RNF24: variants seen among roughly 807,000 people sequenced by gnomAD.
RNF24 encodes the protein ring finger protein 24.
A neutral mutation model predicts 20.0 loss-of-function variants in RNF24; 14 were observed. The ratio of observed to expected loss-of-function variants is 0.70; its 90% CI spans 0.46 to 1.10. RNF24 has a LOEUF of 1.10. Among genes scored for constraint, RNF24 ranks in the 50% least tolerant of loss-of-function variants. RNF24 has a pLI of 0.00. For missense variants in RNF24, 124 were observed against 177.6 expected, an observed-to-expected ratio of 0.70 and a Z score of 1.71; for synonymous variants, 45 against 61.1, an observed-to-expected ratio of 0.74 and a Z score of 1.23.
intron 2 of RNF24, among the ~76,000 whole-genome samples, chr20:3,957,967 G>A (rs754633375): frequency 6.6e-6 from 1 of 152,056 alleles, no homozygotes; most frequent in South Asian, 2.1e-4. Flanking sequence ...AGTATCCTAA[G>A]CTTTCATGCA....
chr20:3,956,911 AGCACTTTGG>A (rs891312097), intron 2 of RNF24, among the ~76,000 whole-genome samples: 1 of 152,244 alleles, frequency 6.6e-6, no homozygotes, highest in Non-Finnish European at 1.5e-5. Flanking sequence ...CTGTAATCCC[AGCACTTTGG>A]GAGGCTGAGG....
chr20:4,001,041 C>A (rs1981345199), intron 1 of RNF24, among the ~76,000 whole-genome samples: 1 of 152,058 alleles, frequency 6.6e-6, no homozygotes, highest in Non-Finnish European at 1.5e-5. Flanking sequence ...CCGAGGCAGG[C>A]AGGTTACCTG....
intron 2 of RNF24, among the ~76,000 whole-genome samples, chr20:3,963,461 G>T (rs1385414529): frequency 6.6e-6 from 1 of 152,236 alleles, no homozygotes; most frequent in Non-Finnish European, 1.5e-5. Context: ...CCAAAGTGCT[G>T]GGATTACAGG....
intron 1 of RNF24, among the ~76,000 whole-genome samples, chr20:3,974,135 A>T (rs1978647474): frequency 6.6e-6 from 1 of 152,050 alleles, no homozygotes. Flanking sequence ...GATCATATTA[A>T]CTGATTTAAA....
intron 1 of RNF24, among the ~76,000 whole-genome samples, chr20:3,986,593 G>C (rs1003679311): frequency 6.6e-6 from 1 of 151,286 alleles, no homozygotes; most frequent in African/African-American, 2.4e-5. Flanking sequence ...AGATTCAGTA[G>C]AACTCAAATT....
chr20:3,933,521 A>T lies in RNF24; in HGVS notation c.*542T>A, dbSNP rs547470100. 1 of 222,402 alleles carries T rather than the reference A, an allele frequency of 4.5e-6. No individual in the cohort carries two copies. Among genetic ancestry groups the T allele is most frequent in the African/African-American group, 2.3e-5 (1 of 44,084 alleles). 13.8% of individuals were successfully genotyped at this position (222,402 alleles called of 1,614,324 possible). ...CTGAGGGGGAAATGGGTGACGAGGA[A>T]CACTGCTACTCAAAGCCAAGATGGC... is the stretch of plus-strand genomic sequence containing the variant. On this transcript the variant is annotated 3_prime_UTR_variant, in exon 6 of 6. Transcript: ENST00000358395.
intron 1 of RNF24, among the ~76,000 whole-genome samples, chr20:3,995,327 T>C (rs777410639): frequency 6.6e-6 from 1 of 152,156 alleles, no homozygotes. Context: ...TGGGCCACTC[T>C]GGGTTAGATC....
chr20:4,014,889 G>A (rs6116151), intron 1 of RNF24, among the ~76,000 whole-genome samples: 1 of 152,116 alleles, frequency 6.6e-6, no homozygotes, highest in South Asian at 2.1e-4. Context: ...CGAGGGAAGA[G>A]GTCTCCACCC....
intron 1 of RNF24, 80 bp from the exon 2 acceptor site, chr20:3,964,104 G>A: frequency 1.6e-6 from 2 of 1,218,340 alleles, no homozygotes; most frequent in Non-Finnish European, 2.3e-6. Flanking sequence ...CACGTATAGA[G>A]GCACAATGAC....
chr20:3,939,956 GA>G (rs1002573857), intron 4 of RNF24, among the ~76,000 whole-genome samples: 2 of 150,950 alleles, frequency 1.3e-5, no homozygotes, highest in Non-Finnish European at 3.0e-5. Flanking sequence ...TATTACAAAC[GA>G]AAAAAAAATT....
intron 2 of RNF24, among the ~76,000 whole-genome samples, chr20:3,962,729 A>T (rs1192869257): frequency 1.3e-4 from 19 of 141,416 alleles, no homozygotes; most frequent in Non-Finnish European, 2.1e-4. Context: ...TTTTTTTTTG[A>T]GACGGAGTTT....
intron 1 of RNF24, chr20:3,974,198 T>C (rs1282213927): frequency 2.6e-5 from 21 of 822,152 alleles, no homozygotes; most frequent in East Asian, 1.2e-4. Flanking sequence ...CTCCCAGAAA[T>C]AGAAATGGAA....
chr20:3,987,418 T>C (rs1980024539), intron 1 of RNF24, among the ~76,000 whole-genome samples: 1 of 152,192 alleles, frequency 6.6e-6, no homozygotes, highest in Admixed American at 6.5e-5. Context: ...TGTTTTTTTC[T>C]GCTGTGAGGA....
intron 1 of RNF24, among the ~76,000 whole-genome samples, chr20:3,984,919 G>A (rs182464641): frequency 1.3e-5 from 2 of 151,972 alleles, no homozygotes; most frequent in Middle Eastern, 3.4e-3. Context: ...AAGTAACTCC[G>A]AAACCTCTCA....
chr20:3,952,979 G>T (rs1311727871), intron 2 of RNF24, among the ~76,000 whole-genome samples: 1 of 151,968 alleles, frequency 6.6e-6, no homozygotes, highest in African/African-American at 2.4e-5. Flanking sequence ...TAATATCCTT[G>T]TCAGGCTTTG....
At position 3,933,799 on chromosome 20, in the gene RNF24, A is replaced by G; in HGVS notation, c.*264T>C. 1 of 294,298 alleles carries G rather than the reference A, an allele frequency of 3.4e-6. No homozygotes were observed. The highest frequency in any genetic ancestry group is 6.3e-6 in the Non-Finnish European group (1 of 159,652). The allele number at this position is 294,298 out of a possible 1,614,324, so 18.2% of individuals were successfully genotyped here. A position where few individuals can be genotyped will look rare whatever the true frequency, so the allele number is the denominator to read the frequency against. On this transcript the variant is annotated 3_prime_UTR_variant, in exon 6 of 6. Coordinates refer to ENST00000358395, the MANE Select transcript of RNF24 (RefSeq NM_001134337.3). Reference sequence around the variant, plus strand: ...GGAGAGAGAGTGTAATGGAGTTAGTAAGAGACCCTCATGAAGTTTCTTGAG... The same window carrying G: ...GGAGAGAGAGTGTAATGGAGTTAGTGAGAGACCCTCATGAAGTTTCTTGAG...
chr20:3,961,874 G>A (rs978842281), intron 2 of RNF24, among the ~76,000 whole-genome samples: 2 of 151,548 alleles, frequency 1.3e-5, no homozygotes, highest in Admixed American at 6.6e-5. Flanking sequence ...TATATGCTAT[G>A]GCTAATTCTC....
At chr20:3,950,699 CCTTT>C (rs1200293295) in intron 2 of RNF24, among the ~76,000 whole-genome samples, 2 of 152,168 alleles carry the variant, frequency 1.3e-5, no homozygotes, top group African/African-American at 2.4e-5. Context: ...TTCACATATA[CCTTT>C]CTACCAGCTT....
chr20:3,963,923 G>C lies in RNF24; in HGVS notation c.95C>G (p.Ala32Gly), dbSNP rs1285703433. 6.2e-7 allele frequency: 1 copy of C among 1,609,842 alleles called. No individual in the cohort carries two copies. The highest frequency in any genetic ancestry group is 1.1e-5 in the South Asian group (1 of 90,484). ...LNIYIVVFGT[A>G]IFVFILSLLF... ...TAAACTAAGGATGAAGACAAATATA[G>C]CAGTACCAAAAACCACAATATATAT... Residue 32 changes from alanine to glycine, a missense_variant, in exon 2 of 6, where the codon GCT becomes GGT. Transcript: ENST00000358395.
Sources: gnomAD v4.1 joint callset for allele counts (sites outside exome capture counted in the v4.1 genomes callset) on GRCh38, gnomAD v4.1.1 for gene constraint, MANE v1.5 for transcripts, NCBI Gene and HGNC (gene_info 2026-07-23, HGNC 2026-07-21) for gene names.